GNPTAB: variants seen among roughly 807,000 people sequenced by gnomAD.
The protein encoded by GNPTAB is N-acetylglucosamine-1-phosphotransferase subunits alpha/beta.
A neutral mutation model predicts 136.6 loss-of-function variants in GNPTAB; 92 were observed. The observed-to-expected ratio is 0.67, with a 90% CI of 0.57 to 0.80. GNPTAB has a LOEUF of 0.80. Ranked by LOEUF, GNPTAB falls within the 30% of genes least tolerant of loss-of-function variation. GNPTAB has a pLI of 0.00. For missense variants in GNPTAB, 1,343 were observed against 1,501.8 expected (o/e 0.89, Z 1.75); for synonymous variants, 512 against 535.1 (o/e 0.96, Z 0.60).
At chr12:101,773,125 C>A in intron 7 of GNPTAB, 1 of 244,616 alleles carries the variant, frequency 4.1e-6, no homozygotes, top group South Asian at 4.1e-5. Flanking sequence ...TCTCCCATTT[C>A]TTGAGGGGAA....
Position 101,780,234 on chromosome 12 carries a change from A to C in GNPTAB, c.689T>G (p.Leu230Arg). 6.2e-7 allele frequency: 1 copy of C among 1,613,738 alleles called. No homozygotes were observed. Among genetic ancestry groups the C allele is most frequent in the Non-Finnish European group, 8.5e-7 (1 of 1,179,606 alleles). ...GLVLMQDLAF[L>R]SGFPPTFKET... is the part of the protein sequence containing the mutation. Reference sequence around the variant, plus strand: ...CTTGAATGTTGGTGGAAATCCACTCAGGAAAGCCAAATCTTGCATTAGCAC... The same window carrying C: ...CTTGAATGTTGGTGGAAATCCACTCCGGAAAGCCAAATCTTGCATTAGCAC... Residue 230 changes from leucine to arginine, a missense_variant, in exon 7 of 21, where the codon CTG (leucine) becomes CGG (arginine). By Grantham distance (102) the Leu-to-Arg change is moderately radical. Coordinates refer to ENST00000299314, the MANE Select transcript of GNPTAB (RefSeq NM_024312.5).
intron 1 of GNPTAB, among the ~76,000 whole-genome samples, chr12:101,800,382 A>G (rs188842433): frequency 6.6e-5 from 10 of 152,188 alleles, no homozygotes; most frequent in Middle Eastern, 3.4e-3. Context: ...TCTTGCGAAC[A>G]ATTTTAAATC....
intron 13 of GNPTAB, among the ~76,000 whole-genome samples, chr12:101,762,172 T>C (rs1185802873): frequency 1.3e-5 from 2 of 152,148 alleles, no homozygotes; most frequent in African/African-American, 4.8e-5. Context: ...AGTCCTTGAG[T>C]TTTAAGCGCA....
intron 1 of GNPTAB, among the ~76,000 whole-genome samples, chr12:101,827,245 C>T (rs1871136031): frequency 6.6e-6 from 1 of 152,134 alleles, no homozygotes; most frequent in Non-Finnish European, 1.5e-5. Flanking sequence ...CCTCCCACCC[C>T]AGTCTCCCAA....
rs373112951 is a variant in GNPTAB at position 101,824,405 on chromosome 12, CAT to C, written c.117+6152_117+6153del. Among the ~76,000 whole-genome samples, 348 of 47,800 alleles carry C rather than the reference CAT, an allele frequency of 7.3e-3. 3 individuals carry two copies. Among genetic ancestry groups the C allele is most frequent in the African/African-American group, 0.028 (237 of 8,534 alleles). 31.4% of individuals were successfully genotyped at this position (47,800 alleles called of 152,430 possible). The stretch of plus-strand genomic sequence containing the variant: ...GATCCACTCCTGCCAGAAATTTCAC[CAT>C]ATATATATATATATATATATATATA... On this transcript the variant is annotated intron_variant, in intron 1 of 20. Transcript: ENST00000299314.
chr12:101,789,893 A>G (rs1022764892), intron 3 of GNPTAB, 45 bp downstream of exon 3: 3 of 1,579,136 alleles, frequency 1.9e-6, no homozygotes, highest in South Asian at 1.1e-5. Flanking sequence ...ACCTTATTAC[A>G]TCGCCACATT....
intron 10 of GNPTAB, among the ~76,000 whole-genome samples, chr12:101,768,596 G>A (rs181357880): frequency 2.0e-5 from 3 of 152,202 alleles, no homozygotes; most frequent in African/African-American, 7.2e-5. Flanking sequence ...TTGTCTCAAG[G>A]CTGAGAGACA....
chr12:101,811,638 C>T (rs1222280437), intron 1 of GNPTAB, among the ~76,000 whole-genome samples: 2 of 134,762 alleles, frequency 1.5e-5, no homozygotes, highest in African/African-American at 5.4e-5. Context: ...GTGCTACACA[C>T]TTTTTTTTTT....
rs1555267839 is a variant in GNPTAB at position 101,749,191 on chromosome 12, C to T, written c.3603G>A (p.Trp1201Ter). 1.3e-6 allele frequency: 2 copies of T among 1,594,186 alleles called. No individual in the cohort carries two copies. The highest frequency in any genetic ancestry group is 1.7e-6 in the Non-Finnish European group (2 of 1,162,016). ...RFLHMHELQE[W>*]RAYRDKLKFW... is the part of the protein sequence containing the mutation. The stretch of plus-strand genomic sequence containing the variant: ...ACTTCAATTTGTCTCGATAAGCCCT[C>T]CTGTGCAGAGAGAAGAAAGCAACTA... Residue 1201 changes from tryptophan to a stop codon, truncating the protein, a stop_gained and splice_region_variant, in exon 20 of 21, where the codon TGG becomes TGA. Coordinates refer to ENST00000299314, the MANE Select transcript of GNPTAB (RefSeq NM_024312.5). LOFTEE classifies it high-confidence loss of function.
chr12:101,809,283 A>C (rs1480320781), intron 1 of GNPTAB, among the ~76,000 whole-genome samples: 2 of 152,222 alleles, frequency 1.3e-5, no homozygotes, highest in Admixed American at 1.3e-4. Flanking sequence ...AACACTGACA[A>C]CACCAAGCCG....
chr12:101,766,330 A>C (rs1594215869), intron 11 of GNPTAB, 36 bp from the exon 12 acceptor site: 4 of 1,575,592 alleles, frequency 2.5e-6, no homozygotes, highest in Middle Eastern at 3.3e-4. Flanking sequence ...TTCTTGCTGT[A>C]ATTACAATTT....
chr12:101,755,011 T>C (rs1444582417), intron 18 of GNPTAB, among the ~76,000 whole-genome samples: 1 of 152,164 alleles, frequency 6.6e-6, no homozygotes, highest in Non-Finnish European at 1.5e-5. Flanking sequence ...TTATGAAAGT[T>C]AAGAGGAGTG....
At chr12:101,826,089 T>C (rs1470376561) in intron 1 of GNPTAB, among the ~76,000 whole-genome samples, 8 of 152,204 alleles carry the variant, frequency 5.3e-5, no homozygotes, top group Admixed American at 2.0e-4. Context: ...AAGGCCAGTA[T>C]AAGACACTGG....
intron 1 of GNPTAB, among the ~76,000 whole-genome samples, chr12:101,819,226 C>T (rs1870677792): frequency 6.6e-6 from 1 of 151,992 alleles, no homozygotes; most frequent in South Asian, 2.1e-4. Context: ...TCGCCAGGCT[C>T]GTCTTGAACT....
At chr12:101,824,405 CATAT>C (rs373112951) in intron 1 of GNPTAB, among the ~76,000 whole-genome samples, 90 of 47,818 alleles carry the variant, frequency 1.9e-3, no homozygotes, top group East Asian at 5.7e-3. Context: ...GAAATTTCAC[CATAT>C]ATATATATAT....
At position 101,765,114 on chromosome 12, in the gene GNPTAB, T is replaced by C. The variant is rs1178509093; in HGVS notation, c.1803A>G (p.Ile601Met). ...IANKWKTIHL[I>M]MHSGMNATTI... ...TGGTGGCATTCATTCCACTGTGCAT[T>C]ATGAGGTGGATGGTTTTCCACTTGT... The change falls in exon 13 of 21, where the codon ATA (isoleucine) becomes ATG (methionine). Residue 601 changes from isoleucine to methionine, a missense_variant. Coordinates refer to ENST00000299314, the MANE Select transcript of GNPTAB (RefSeq NM_024312.5). 6.2e-6 allele frequency: 10 copies of C among 1,614,038 alleles called. No homozygotes were observed. The highest frequency in any genetic ancestry group is 1.3e-5 in the African/African-American group (1 of 74,920).
intron 1 of GNPTAB, among the ~76,000 whole-genome samples, chr12:101,828,717 C>T (rs902392478): frequency 1.1e-4 from 17 of 152,042 alleles, no homozygotes; most frequent in African/African-American, 3.9e-4. Flanking sequence ...AAAAGCACAG[C>T]TCTGAGCCAG....
At chr12:101,760,213 A>G in intron 15 of GNPTAB, 70 bp from the exon 16 acceptor site, 2 of 982,658 alleles carry the variant, frequency 2.0e-6, no homozygotes, top group East Asian at 4.8e-5. Flanking sequence ...AAAAATAAAA[A>G]TTAAGTGAAA....
intron 1 of GNPTAB, among the ~76,000 whole-genome samples, chr12:101,821,835 T>C (rs1245354175): frequency 1.3e-5 from 2 of 152,048 alleles, no homozygotes; most frequent in Non-Finnish European, 2.9e-5. Context: ...AAGAGAGAAG[T>C]TGTCACTCCG....
Sources: allele counts gnomAD v4.1 joint callset (sites outside exome capture counted in the v4.1 genomes callset), GRCh38; gene constraint gnomAD v4.1.1; transcripts MANE v1.5; gene names NCBI Gene and HGNC (gene_info 2026-07-23, HGNC 2026-07-21).